NXPH1: variants seen among roughly 807,000 people sequenced by gnomAD.
The protein encoded by NXPH1 is neurexophilin 1.
NXPH1 carries 5 observed loss-of-function variants against 23.7 expected under a neutral mutation model. That is an observed-to-expected ratio of 0.21 (90% CI 0.11 to 0.44). The LOEUF (loss-of-function observed/expected upper bound fraction) is 0.44, where lower values mean the gene tolerates loss of function less well. Ranked by LOEUF, NXPH1 falls within the 20% of genes least tolerant of loss-of-function variation. The probability of loss-of-function intolerance (pLI) is 0.99; values close to 1 mark genes in which losing one functional copy is unlikely to be tolerated. For missense variants in NXPH1, 324 were observed against 321.6 expected, an observed-to-expected ratio of 1.01 and a Z score of -0.06; for synonymous variants, 144 against 122.2, an observed-to-expected ratio of 1.18 and a Z score of -1.18.
chr7:8,526,213 C>G (rs1197343615), intron 2 of NXPH1, among the ~76,000 whole-genome samples: 1 of 152,214 alleles, frequency 6.6e-6, no homozygotes, highest in Non-Finnish European at 1.5e-5. Context: ...AGTTGACTCC[C>G]CTGCTGGATT....
intron 2 of NXPH1, among the ~76,000 whole-genome samples, chr7:8,583,005 G>C (rs960534736): frequency 2.6e-5 from 4 of 152,196 alleles, no homozygotes; most frequent in African/African-American, 4.8e-5. Context: ...AAGTCTGAAG[G>C]GGGCCAAGGG....
chr7:8,739,200 A>AAAAAAAAT (rs1780319099), intron 2 of NXPH1, among the ~76,000 whole-genome samples: 1 of 147,776 alleles, frequency 6.8e-6, no homozygotes, highest in African/African-American at 2.6e-5. Flanking sequence ...AAAAAAAAAA[A>AAAAAAAAT]AAAACCCTGC....
At chr7:8,451,662 C>T (rs921950687) in intron 2 of NXPH1, among the ~76,000 whole-genome samples, 1 of 152,224 alleles carries the variant, frequency 6.6e-6, no homozygotes, top group South Asian at 2.1e-4. Flanking sequence ...GAGAATACTT[C>T]TCTGTTTACT....
chr7:8,595,123 C>A (rs1046108690), intron 2 of NXPH1, among the ~76,000 whole-genome samples: 1 of 151,966 alleles, frequency 6.6e-6, no homozygotes, highest in Admixed American at 6.6e-5. Context: ...TGGAAGCACA[C>A]TTTTATCTGT....
At chr7:8,554,811 C>T (rs549778223) in intron 2 of NXPH1, among the ~76,000 whole-genome samples, 1 of 151,718 alleles carries the variant, frequency 6.6e-6, no homozygotes, top group African/African-American at 2.4e-5. Context: ...GTATGTGAAA[C>T]AAGACTTTAA....
At chr7:8,455,236 G>C (rs894326133) in intron 2 of NXPH1, among the ~76,000 whole-genome samples, 4 of 152,132 alleles carry the variant, frequency 2.6e-5, no homozygotes, top group African/African-American at 9.7e-5. Context: ...TGTGTTTGCA[G>C]AATTGTGGCA....
intron 2 of NXPH1, among the ~76,000 whole-genome samples, chr7:8,727,712 C>G (rs1203526401): frequency 6.6e-6 from 1 of 152,056 alleles, no homozygotes; most frequent in Non-Finnish European, 1.5e-5. Context: ...TGTTTTGGTA[C>G]CAGTACCATG....
intron 2 of NXPH1, among the ~76,000 whole-genome samples, chr7:8,667,059 T>G (rs1470857992): frequency 6.6e-6 from 1 of 152,130 alleles, no homozygotes. Context: ...TGACAACTTT[T>G]ATCACATTAA....
At chr7:8,558,909 A>G (rs1818400479) in intron 2 of NXPH1, among the ~76,000 whole-genome samples, 2 of 147,528 alleles carry the variant, frequency 1.4e-5, no homozygotes, top group Admixed American at 1.3e-4. Flanking sequence ...AGTATAGTGA[A>G]CTGCAGGAAA....
intron 2 of NXPH1, among the ~76,000 whole-genome samples, chr7:8,624,238 AG>A (rs1219333533): frequency 6.6e-6 from 1 of 152,150 alleles, no homozygotes; most frequent in African/African-American, 2.4e-5. Flanking sequence ...ATTTTGAATA[AG>A]GGCAGGAATG....
chr7:8,524,636 CCA>C (rs1817834713), intron 2 of NXPH1, among the ~76,000 whole-genome samples: 1 of 152,138 alleles, frequency 6.6e-6, no homozygotes, highest in Non-Finnish European at 1.5e-5. Flanking sequence ...CCCAGAATTC[CCA>C]CATGTTGTGG....
intron 2 of NXPH1, among the ~76,000 whole-genome samples, chr7:8,568,241 G>C (rs1818582343): frequency 6.6e-6 from 1 of 151,778 alleles, no homozygotes; most frequent in Non-Finnish European, 1.5e-5. Context: ...AATGTTTTCA[G>C]CATTTAAAAT....
At chr7:8,472,506 A>G (rs958111015) in intron 2 of NXPH1, among the ~76,000 whole-genome samples, 1 of 152,104 alleles carries the variant, frequency 6.6e-6, no homozygotes, top group Non-Finnish European at 1.5e-5. Context: ...GTGTGAGGCT[A>G]TGGCTGTCCT....
intron 2 of NXPH1, among the ~76,000 whole-genome samples, chr7:8,626,955 G>A (rs538050917): frequency 2.2e-4 from 33 of 152,100 alleles, no homozygotes; most frequent in African/African-American, 8.0e-4. Flanking sequence ...TTAAGCATAA[G>A]GACAAAGAGC....
chr7:8,504,337 T>C (rs1277369656), intron 2 of NXPH1, among the ~76,000 whole-genome samples: 1 of 152,054 alleles, frequency 6.6e-6, no homozygotes, highest in Non-Finnish European at 1.5e-5. Flanking sequence ...TTCCTTTCTT[T>C]CATTTTGTTT....
rs1459251091 is a variant in NXPH1, at chr7:8,696,840, C to A, written c.55-54168C>A. Among the ~76,000 whole-genome samples, 480 of 96,936 alleles carry A rather than the reference C, an allele frequency of 5.0e-3. 2 individuals carry two copies. The highest frequency in any genetic ancestry group is 0.014 in the African/African-American group (356 of 25,076). 63.6% of individuals were successfully genotyped at this position (96,936 alleles called of 152,430 possible). On this transcript the variant is annotated intron_variant, in intron 2 of 2. Coordinates refer to ENST00000405863, the MANE Select transcript of NXPH1 (RefSeq NM_152745.3). ...TGGGTGACAGAGCAAGACTCCCTCT[C>A]AAAAAAAAAAAAAAAAAGTGAGGCC...
intron 2 of NXPH1, among the ~76,000 whole-genome samples, chr7:8,749,764 T>A (rs1780533045): frequency 6.6e-6 from 1 of 152,206 alleles, no homozygotes; most frequent in South Asian, 2.1e-4. Flanking sequence ...TCAACAGCCT[T>A]ACCTTAAAAC....
rs77258609 is a variant in NXPH1 at position 8,747,105 on chromosome 7, T to C, written c.55-3903T>C. On this transcript the variant is annotated intron_variant, in intron 2 of 2. Coordinates refer to ENST00000405863, the MANE Select transcript of NXPH1 (RefSeq NM_152745.3). ...CCCTATTTAATCCTCACAACAGCCCTGTGAAGAAGATTGATATTATTCTTC... is the reference window on the plus strand; with the variant it reads ...CCCTATTTAATCCTCACAACAGCCCCGTGAAGAAGATTGATATTATTCTTC... Among the ~76,000 whole-genome samples, 373 of 152,270 alleles carry C rather than the reference T, an allele frequency of 2.4e-3. 2 individuals are homozygous for C. Among genetic ancestry groups the C allele is most frequent in the African/African-American group, 8.7e-3 (363 of 41,554 alleles).
chr7:8,657,100 A>G (rs1296426193), intron 2 of NXPH1, among the ~76,000 whole-genome samples: 1 of 152,246 alleles, frequency 6.6e-6, no homozygotes, highest in African/African-American at 2.4e-5. Flanking sequence ...TTTTAGCTAC[A>G]TAAGGGCAGG....
Sources: allele counts gnomAD v4.1 joint callset (sites outside exome capture counted in the v4.1 genomes callset), GRCh38; gene constraint gnomAD v4.1.1; transcripts MANE v1.5; gene names NCBI Gene and HGNC (gene_info 2026-07-23, HGNC 2026-07-21).